The following GIPC2 variants were observed in gnomAD, a reference collection of about 807,000 sequenced individuals.
The protein encoded by GIPC2 is PDZ domain-containing protein GIPC2.
A neutral mutation model predicts 30.6 loss-of-function variants in GIPC2; 30 were observed. That is an observed-to-expected ratio of 0.98 (90% CI 0.73 to 1.33). The LOEUF (loss-of-function observed/expected upper bound fraction) is 1.33, where lower values mean the gene tolerates loss of function less well. GIPC2 is among the 40% of genes most tolerant of loss of function. The probability of loss-of-function intolerance (pLI) is 0.00; values close to 1 mark genes in which losing one functional copy is unlikely to be tolerated. For missense variants in GIPC2, 414 were observed against 390.3 expected (o/e 1.06, Z -0.51); for synonymous variants, 167 against 150.0 (o/e 1.11, Z -0.83).
At chr1:78,126,035 A>G in intron 5 of GIPC2, 73 bp downstream of exon 5, 1 of 689,388 alleles carries the variant, frequency 1.5e-6, no homozygotes, top group South Asian at 1.7e-5. Flanking sequence ...TTATACATAC[A>G]GCCAATTATA....
intron 1 of GIPC2, among the ~76,000 whole-genome samples, chr1:78,070,087 AAC>A (rs1661589341): frequency 6.6e-6 from 1 of 152,184 alleles, no homozygotes; most frequent in African/African-American, 2.4e-5. Flanking sequence ...GGCCAAAAGG[AAC>A]ACAGTGCTCT....
rs1661065617 is a variant in GIPC2, at chr1:78,046,121, G to A, written c.27G>A (p.Lys9=). The change falls in exon 1 of 6, where the codon AAG becomes AAA. Residue 9 remains lysine (K), a synonymous_variant. Transcript: ENST00000370759. ...TGCCCCTGAAGCTGCGGGGGAAGAAGAAGGCCAAGTCCAAGGAGACCGCCG... is the reference window on the plus strand; with the variant it reads ...TGCCCCTGAAGCTGCGGGGGAAGAAAAAGGCCAAGTCCAAGGAGACCGCCG... MPLKLRGK[K]KAKSKETAGL... 5 of 1,492,758 alleles carry A rather than the reference G, an allele frequency of 3.3e-6. No individual in the cohort carries two copies. The highest frequency in any genetic ancestry group is 4.4e-6 in the Non-Finnish European group (5 of 1,125,486). 92.5% of individuals were successfully genotyped at this position (1,492,758 alleles called of 1,614,324 possible). A position where few individuals can be genotyped will look rare whatever the true frequency, so the allele number is the denominator to read the frequency against.
intron 3 of GIPC2, among the ~76,000 whole-genome samples, chr1:78,115,640 A>G (rs1450490098): frequency 6.6e-6 from 1 of 152,236 alleles, no homozygotes; most frequent in African/African-American, 2.4e-5. Flanking sequence ...CTCACACAGG[A>G]CATACTATAA....
At chr1:78,045,197 G>C (rs1213010697), upstream of GIPC2, 11 of 414,120 alleles carry the variant, frequency 2.7e-5, no homozygotes, top group Middle Eastern at 1.2e-3. Context: ...CAGTAGTGTG[G>C]GGGCAAAGTC....
chr1:78,112,537 G>A (rs1396103159), intron 3 of GIPC2: 1 of 518,878 alleles, frequency 1.9e-6, no homozygotes, highest in African/African-American at 1.9e-5. Context: ...CATACTCCAG[G>A]CCAACCAGGG....
chr1:78,126,775 G>A (rs1054656394), intron 5 of GIPC2, among the ~76,000 whole-genome samples: 10 of 152,030 alleles, frequency 6.6e-5, no homozygotes, highest in Non-Finnish European at 8.8e-5. Context: ...CTGCATCCTC[G>A]TGGCATCAAG....
intron 1 of GIPC2, among the ~76,000 whole-genome samples, chr1:78,072,890 T>C (rs1385874693): frequency 2.0e-5 from 3 of 151,968 alleles, no homozygotes; most frequent in Non-Finnish European, 4.4e-5. Context: ...CTGCAAGCTC[T>C]GCCTCCCGGG....
At chr1:78,088,831 T>TAA (rs67286239) in intron 2 of GIPC2, among the ~76,000 whole-genome samples, 30 of 141,170 alleles carry the variant, frequency 2.1e-4, no homozygotes, top group Admixed American at 4.2e-4. Context: ...CACTGTCTCT[T>TAA]AAAAAAAAAA....
At chr1:78,114,217 A>G (rs1571518733) in intron 3 of GIPC2, among the ~76,000 whole-genome samples, 1 of 152,144 alleles carries the variant, frequency 6.6e-6, no homozygotes, top group Non-Finnish European at 1.5e-5. Context: ...CAGGCTGGTT[A>G]CCAGTGCCTA....
chr1:78,110,700 A>G (rs531860534), intron 3 of GIPC2, among the ~76,000 whole-genome samples: 1 of 152,284 alleles, frequency 6.6e-6, no homozygotes, highest in Admixed American at 6.5e-5. Context: ...GCTGAACTAT[A>G]TAGCCTGGAA....
intron 4 of GIPC2, among the ~76,000 whole-genome samples, chr1:78,119,765 C>G (rs1662643633): frequency 6.6e-6 from 1 of 152,144 alleles, no homozygotes; most frequent in African/African-American, 2.4e-5. Context: ...CCAAAGCTCT[C>G]TGAGAACCAA....
At chr1:78,069,601 G>A (rs1399471585) in intron 1 of GIPC2, among the ~76,000 whole-genome samples, 1 of 151,228 alleles carries the variant, frequency 6.6e-6, no homozygotes, top group African/African-American at 2.4e-5. Flanking sequence ...AGCCTCCTGA[G>A]TAGCTGGGAT....
chr1:78,072,496 C>T (rs573875423), intron 1 of GIPC2, among the ~76,000 whole-genome samples: 1 of 152,208 alleles, frequency 6.6e-6, no homozygotes, highest in African/African-American at 2.4e-5. Flanking sequence ...TGATTCTGTC[C>T]CTGTGGCTTA....
At position 78,136,361 on chromosome 1, in the gene GIPC2, C is replaced by G. The variant is rs1057016383; in HGVS notation, c.*618C>G. 2 of 152,008 alleles carry G rather than the reference C, an allele frequency of 1.3e-5. No individual in the cohort carries two copies. The highest frequency in any genetic ancestry group is 3.9e-4 in the East Asian group (2 of 5,184). 9.4% of individuals were successfully genotyped at this position (152,008 alleles called of 1,614,324 possible). A position where few individuals can be genotyped will look rare whatever the true frequency, so the allele number is the denominator to read the frequency against. On this transcript the variant is annotated 3_prime_UTR_variant, in exon 6 of 6. Transcript: ENST00000370759. Reference sequence around the variant, plus strand: ...TCTTGTATGCTTCTTTATACATGCTCTTAAAACTTGTGGTTGAAATCTGTG... The same window carrying G: ...TCTTGTATGCTTCTTTATACATGCTGTTAAAACTTGTGGTTGAAATCTGTG...
intron 5 of GIPC2, among the ~76,000 whole-genome samples, chr1:78,134,156 G>A (rs1662957743): frequency 6.6e-6 from 1 of 152,106 alleles, no homozygotes; most frequent in Non-Finnish European, 1.5e-5. Context: ...ACACATGCAT[G>A]TATGCATTTA....
chr1:78,084,781 T>G (rs968370603), intron 2 of GIPC2, among the ~76,000 whole-genome samples: 4 of 152,330 alleles, frequency 2.6e-5, no homozygotes, highest in African/African-American at 9.6e-5. Flanking sequence ...TTTTGTACAT[T>G]GATTTTGTAT....
chr1:78,049,201 G>A (rs1661150835), intron 1 of GIPC2, among the ~76,000 whole-genome samples: 1 of 152,106 alleles, frequency 6.6e-6, no homozygotes, highest in Admixed American at 6.5e-5. Flanking sequence ...TTGTTCTGTC[G>A]CCCAGGCTGG....
At chr1:78,067,637 G>T (rs889998785) in intron 1 of GIPC2, among the ~76,000 whole-genome samples, 1 of 152,074 alleles carries the variant, frequency 6.6e-6, no homozygotes, top group Non-Finnish European at 1.5e-5. Context: ...ATTATTAGTA[G>T]AGACAGGGTT....
At chr1:78,097,570 T>C (rs1392240911) in intron 3 of GIPC2, among the ~76,000 whole-genome samples, 1 of 152,184 alleles carries the variant, frequency 6.6e-6, no homozygotes, top group East Asian at 1.9e-4. Flanking sequence ...TTCTTTGTAG[T>C]GGTTAGGGAA....
Sources: allele counts gnomAD v4.1 joint callset (sites outside exome capture counted in the v4.1 genomes callset), GRCh38; gene constraint gnomAD v4.1.1; transcripts MANE v1.5; gene names NCBI Gene and HGNC (gene_info 2026-07-23, HGNC 2026-07-21).